DHPS: variants seen among roughly 807,000 people sequenced by gnomAD.
The protein encoded by DHPS is deoxyhypusine synthase.
A neutral mutation model predicts 38.7 loss-of-function variants in DHPS; 24 were observed. That is an observed-to-expected ratio of 0.62 (90% CI 0.45 to 0.87). The LOEUF is 0.87. Ranked by LOEUF, DHPS falls within the 40% of genes least tolerant of loss-of-function variation. DHPS has a pLI of 0.00. For missense variants in DHPS, 510 were observed against 497.6 expected, an observed-to-expected ratio of 1.02 and a Z score of -0.24; for synonymous variants, 250 against 204.4, an observed-to-expected ratio of 1.22 and a Z score of -1.90.
intron 3 of DHPS, 40 bp downstream of exon 3, chr19:12,679,761 T>G (rs2024736281): frequency 6.2e-7 from 1 of 1,614,172 alleles, no homozygotes. Flanking sequence ...CCAGGACCCT[T>G]GGTCCAGCTC....
In DHPS at chr19:12,675,818, C is replaced by T. The variant is rs773081591; in HGVS notation, c.*20G>A. On this transcript the variant is annotated 3_prime_UTR_variant, in exon 9 of 9. Coordinates refer to ENST00000210060, the MANE Select transcript of DHPS (RefSeq NM_001930.4). ...TAATAAATAGAAGAGGGGGTAAGAC[C>T]TTCCTGGGACCGCAGCCGCTCAGTC... The T allele has an allele frequency of 5.7e-6, 9 of 1,575,868 alleles. No homozygotes were observed. Among genetic ancestry groups the T allele is most frequent in the East Asian group, 2.3e-5 (1 of 44,436 alleles).
Position 12,680,014 on chromosome 19 carries a change from CTTA to C in DHPS, c.373-95_373-93del, listed in dbSNP as rs1568319691. On this transcript the variant is annotated intron_variant, in intron 2 of 8. Transcript: ENST00000210060. ...CTAACCTCATCCTTGTCCAGTGACT[CTTA>C]TGAGGGAGCTCTGCTACAAAACAAA... 3.8e-6 allele frequency: 6 copies of C among 1,560,160 alleles called. No homozygotes were observed. The South Asian group carries it at 6.0e-5, about 16-fold the overall frequency.
rs2024575596 is a variant in DHPS, at chr19:12,676,083, G to A, written c.948C>T (p.Asp316=). 4.3e-6 allele frequency: 7 copies of A among 1,613,892 alleles called. No homozygotes were observed. The highest frequency in any genetic ancestry group is 5.9e-6 in the Non-Finnish European group (7 of 1,179,972). ...INTAQEFDGS[D]SGARPDEAVS... ...CAGCCTCGTCTGGTCGGGCACCTGA[G>A]TCAGAGCCATCAAACTCCTGGGCTG... is the stretch of plus-strand genomic sequence containing the variant. Residue 316 remains aspartate, a synonymous_variant, in exon 8 of 9, where the codon GAC becomes GAT. Transcript: ENST00000210060.
chr19:12,681,596 G>C lies in DHPS; in HGVS notation c.171C>G (p.Thr57=). The change falls in exon 1 of 9, where the codon ACC becomes ACG. Residue 57 remains threonine (T), a synonymous_variant. Coordinates refer to ENST00000210060, the MANE Select transcript of DHPS (RefSeq NM_001930.4). ...EAFGTTGFQA[T]NFGRAVQQVN... The stretch of plus-strand genomic sequence containing the variant: ...CTTGCTGTACAGCGCGCCCGAAGTT[G>C]GTTGCTTGGAAGCCGGTGGTGCCGA... The C allele has an allele frequency of 6.2e-7, 1 of 1,614,256 alleles. No individual in the cohort carries two copies.
intron 1 of DHPS, among the ~76,000 whole-genome samples, chr19:12,680,833 CTTTTTTT>C (rs775520052): frequency 8.4e-6 from 1 of 119,610 alleles, no homozygotes; most frequent in Non-Finnish European, 1.6e-5. Context: ...CGTGCCCGGC[CTTTTTTT>C]TTTTTTTTTT....
chr19:12,672,880 A>G (rs2145321124), downstream of DHPS: 1 of 1,596,092 alleles, frequency 6.3e-7, no homozygotes, highest in Non-Finnish European at 8.5e-7. Context: ...GCTATGACCT[A>G]AGGATGGGGC....
rs1045571973 is a variant in DHPS at position 12,681,009 on chromosome 19, A to G, written c.207+551T>C. ...ACACCATGCCCGGCTAATTTTTTGC[A>G]TTTTAGTAGAGACAGGGTTTCACCA... On this transcript the variant is annotated intron_variant, in intron 1 of 8. Transcript: ENST00000210060. The G allele has an allele frequency of 1.2e-5, 7 of 601,580 alleles. No homozygotes were observed. The African/African-American group carries it at 1.2e-4, about 11-fold the overall frequency. 37.3% of individuals were successfully genotyped at this position (601,580 alleles called of 1,614,324 possible).
Position 12,676,026 on chromosome 19 carries a change from C to T in DHPS, c.1005G>A (p.Gln335=). The change falls in exon 8 of 9, where the codon CAG becomes CAA. Residue 335 remains glutamine (Q), a synonymous_variant. Transcript: ENST00000210060. ...CCCAGCCAGCGCTTACCTTGACGGG[C>T]TGTGCATCCACCCGGATCTTGCCCC... ...VSWGKIRVDA[Q]PVKVYADASL... 1 of 1,613,900 alleles carries T rather than the reference C, an allele frequency of 6.2e-7. No individual in the cohort carries two copies. The highest frequency in any genetic ancestry group is 8.5e-7 in the Non-Finnish European group (1 of 1,179,874).
At chr19:12,672,972 C>T, downstream of DHPS, 3 of 1,599,512 alleles carry the variant, frequency 1.9e-6, no homozygotes, top group Non-Finnish European at 2.6e-6. Context: ...ACCAGGGGCA[C>T]CCCACCCTCA....
intron 1 of DHPS, chr19:12,681,045 G>T: frequency 1.0e-6 from 1 of 998,986 alleles, no homozygotes; most frequent in Non-Finnish European, 1.3e-6. Context: ...TGTTGGCCAG[G>T]CTTGTCTCGA....
In DHPS at chr19:12,675,855, C is replaced by T. The variant is rs375107894; in HGVS notation, c.1093G>A (p.Glu365Lys). 1.2e-6 allele frequency: 2 copies of T among 1,605,276 alleles called. No individual in the cohort carries two copies. Among genetic ancestry groups the T allele is most frequent in the African/African-American group, 1.3e-5 (1 of 74,674 alleles). Residue 365 changes from glutamate to lysine, a missense_variant, in exon 9 of 9, where the codon GAG becomes AAG. Coordinates refer to ENST00000210060, the MANE Select transcript of DHPS (RefSeq NM_001930.4). ...GCAGCCGCTCAGTCCTCGTTCTTCT[C>T]ATGCATGAAGGCATCCATCTTCTGG... The part of the protein sequence containing the change: ...FAQKMDAFMH[E>K]KNED
At position 12,678,848 on chromosome 19, in the gene DHPS, T is replaced by G. The variant is rs1385835445; in HGVS notation, c.678+609A>C. On this transcript the variant is annotated intron_variant, in intron 5 of 8. Coordinates refer to ENST00000210060, the MANE Select transcript of DHPS (RefSeq NM_001930.4). Reference sequence around the variant, plus strand: ...GTTCTGATTCTCTAATTAAAGGGAGTGGGTAGCTCTTATTTTATAGCATCT... The same window carrying G: ...GTTCTGATTCTCTAATTAAAGGGAGGGGGTAGCTCTTATTTTATAGCATCT... 4.4e-4 allele frequency among the ~76,000 whole-genome samples: 44 copies of G among 99,632 alleles called. No individual in the cohort carries two copies. The East Asian group carries it at 0.013, about 29-fold the overall frequency. 65.4% of individuals were successfully genotyped at this position (99,632 alleles called of 152,430 possible).
Position 12,681,820 on chromosome 19 carries a change from G to A in DHPS, c.-54C>T. On this transcript the variant is annotated 5_prime_UTR_variant, in exon 1 of 9. Coordinates refer to ENST00000210060, the MANE Select transcript of DHPS (RefSeq NM_001930.4). ...CTGCCCCTAGGCCGGGCTTACGGCG[G>A]CCCAGAAACGCGTTAAACCCCGACG... 5 of 1,516,798 alleles carry A rather than the reference G, an allele frequency of 3.3e-6. No individual in the cohort carries two copies. The highest frequency in any genetic ancestry group is 3.6e-6 in the Non-Finnish European group (4 of 1,113,430). 94.0% of individuals were successfully genotyped at this position (1,516,798 alleles called of 1,614,324 possible).
chr19:12,677,319 G>A lies in DHPS; in HGVS notation c.756C>T (p.Asn252=). 1 of 1,614,188 alleles carries A rather than the reference G, an allele frequency of 6.2e-7. No individual in the cohort carries two copies. The highest frequency in any genetic ancestry group is 8.5e-7 in the Non-Finnish European group (1 of 1,180,042). Reference sequence around the variant, plus strand: ...CAACGATGTCCAGGACCAGGCCCGGGTTCTTGTAGGAATGGAAGAAGATCA... The same window carrying A: ...CAACGATGTCCAGGACCAGGCCCGGATTCTTGTAGGAATGGAAGAAGATCA... ...GDMIFFHSYK[N]PGLVLDIVED... The change falls in exon 6 of 9, where the codon AAC becomes AAT. Residue 252 remains asparagine (N), a synonymous_variant. Transcript: ENST00000210060.
chr19:12,674,853 C>T (rs770923303), downstream of DHPS, among the ~76,000 whole-genome samples: 5 of 152,162 alleles, frequency 3.3e-5, no homozygotes, highest in Non-Finnish European at 5.9e-5. Context: ...TGGTGGTTCA[C>T]ACCTGTAATC....
downstream of DHPS, chr19:12,673,114 C>T (rs760123142): frequency 2.4e-5 from 38 of 1,612,236 alleles, no homozygotes; most frequent in Admixed American, 5.0e-5. Flanking sequence ...AGCTGCTGGG[C>T]GAGTGAGTCC....
rs777278155 is a variant in DHPS at position 12,676,136 on chromosome 19, C to T, written c.895G>A (p.Gly299Arg). 26 of 1,609,548 alleles carry T rather than the reference C, an allele frequency of 1.6e-5. No homozygotes were observed. Among genetic ancestry groups the T allele is most frequent in the Middle Eastern group, 1.7e-4 (1 of 6,060 alleles). Residue 299 changes from glycine to arginine, a missense_variant, in exon 8 of 9, where the codon GGG (glycine) becomes AGG (arginine). Transcript: ENST00000210060. Reference protein sequence around the residue: ...HIANANLMRNGADYAVYINTA... With the variant: ...HIANANLMRNRADYAVYINTA... ...TTGATGTAAACAGCGTAGTCGGCCC[C>T]GTTCCGCTGTGGGGAGGCGGGGGCA...
In DHPS at chr19:12,675,829, C is replaced by T. The variant is rs373267816; in HGVS notation, c.*9G>A. 94 of 1,580,392 alleles carry T rather than the reference C, an allele frequency of 5.9e-5. No individual in the cohort carries two copies. Among genetic ancestry groups the T allele is most frequent in the Non-Finnish European group, 7.3e-5 (85 of 1,161,844 alleles). ...AGAGGGGGTAAGACCTTCCTGGGAC[C>T]GCAGCCGCTCAGTCCTCGTTCTTCT... On this transcript the variant is annotated 3_prime_UTR_variant, in exon 9 of 9. Transcript: ENST00000210060.
intron 1 of DHPS, 117 bp downstream of exon 1, chr19:12,681,443 G>T: frequency 7.9e-7 from 1 of 1,263,690 alleles, no homozygotes; most frequent in Non-Finnish European, 1.1e-6. Flanking sequence ...TCCAACTATT[G>T]GGCAACTCAA....
Sources: gnomAD v4.1 joint callset for allele counts (sites outside exome capture counted in the v4.1 genomes callset) on GRCh38, gnomAD v4.1.1 for gene constraint, MANE v1.5 for transcripts, NCBI Gene and HGNC (gene_info 2026-07-23, HGNC 2026-07-21) for gene names.